Variants in ITCH observed in about 807,000 individuals in gnomAD.
The protein encoded by ITCH is itchy E3 ubiquitin protein ligase.
In ITCH, 28 loss-of-function variants were observed where a neutral mutation model predicts 126.8. That is an observed-to-expected ratio of 0.22 (90% CI 0.16 to 0.30). The LOEUF is 0.30. Ranked by LOEUF, ITCH falls within the 10% of genes least tolerant of loss-of-function variation. The pLI is 1.00. For synonymous variants in ITCH, 342 were observed against 340.0 expected, an observed-to-expected ratio of 1.01 and a Z score of -0.06; for missense variants, 631 against 1,032.4, an observed-to-expected ratio of 0.61 and a Z score of 5.33.
chr20:34,426,042 TA>T (rs1981473408), intron 7 of ITCH, among the ~76,000 whole-genome samples: 1 of 152,244 alleles, frequency 6.6e-6, no homozygotes, highest in African/African-American at 2.4e-5. Flanking sequence ...TTAGACTGCT[TA>T]TTGGTTATCC....
At chr20:34,504,258 G>A in intron 23 of ITCH, 73 bp from the exon 24 acceptor site, 1 of 1,095,894 alleles carries the variant, frequency 9.1e-7, no homozygotes, top group Non-Finnish European at 1.4e-6. Context: ...TGATGCTGAT[G>A]CTTGTTGGAT....
At chr20:34,487,244 C>T (rs1468957605) in intron 20 of ITCH, among the ~76,000 whole-genome samples, 4 of 151,724 alleles carry the variant, frequency 2.6e-5, no homozygotes. Context: ...AATCTCCTGA[C>T]CTCGTGATCC....
chr20:34,459,231 G>T (rs1197759849), intron 13 of ITCH, among the ~76,000 whole-genome samples: 6 of 152,164 alleles, frequency 3.9e-5, no homozygotes, highest in African/African-American at 1.4e-4. Flanking sequence ...TCAGCAGAAG[G>T]AATAGGTGCA....
intron 16 of ITCH, 105 bp downstream of exon 16, chr20:34,471,620 G>T: frequency 1.3e-6 from 1 of 764,430 alleles, no homozygotes. Context: ...TTGAGTTGAA[G>T]TCCTTGAATT....
At chr20:34,412,374 T>C in intron 4 of ITCH, 141 bp from the exon 5 acceptor site, 1 of 628,086 alleles carries the variant, frequency 1.6e-6, no homozygotes, top group Non-Finnish European at 2.8e-6. Context: ...TTACTGAACA[T>C]AGGCCAATAT....
At chr20:34,417,099 AC>A in intron 6 of ITCH, 1 of 622,118 alleles carries the variant, frequency 1.6e-6, no homozygotes. Flanking sequence ...ATTTAGGTAG[AC>A]TTTTTTTTTT....
chr20:34,448,245 T>C (rs1230072834), intron 11 of ITCH, among the ~76,000 whole-genome samples: 1 of 151,942 alleles, frequency 6.6e-6, no homozygotes, highest in Admixed American at 6.6e-5. Flanking sequence ...TACAAAAAGT[T>C]AGCTGGGCGT....
chr20:34,373,071 T>A (rs6142152), intron 2 of ITCH, among the ~76,000 whole-genome samples: 39,343 of 150,636 alleles, frequency 0.26, 6,607 homozygotes, highest in Admixed American at 0.48. Flanking sequence ...ACCCACTGGG[T>A]TCAAGCGATT....
Position 34,413,875 on chromosome 20 carries a change from A to G in ITCH, c.471A>G (p.Ser157=). 1.9e-6 allele frequency: 3 copies of G among 1,612,650 alleles called. No homozygotes were observed. The highest frequency in any genetic ancestry group is 2.2e-5 in the South Asian group (2 of 91,066). ...TTACCAATGGTGAAACTACATGTTC[A>G]GAAAGTAAGTGACTACCTTTTTAAG... is the stretch of plus-strand genomic sequence containing the variant. ...EVVTNGETTC[S]ESASQNDDGS... is the part of the protein sequence containing the mutation. The change falls in exon 6 of 25, where the codon TCA becomes TCG. Residue 157 remains serine, a synonymous_variant. Coordinates refer to ENST00000374864, the MANE Select transcript of ITCH (RefSeq NM_031483.7).
In ITCH at chr20:34,479,607, CG is replaced by C. The variant is rs761583498; in HGVS notation, c.1659-22del. ...CTTGGTAACCTACAAGATTTTTCAT[CG>C]TAAATTTTCTTTTGATTTCAGAGAA... On this transcript the variant is annotated intron_variant, in intron 17 of 24. Transcript: ENST00000374864. 7 of 1,608,530 alleles carry C rather than the reference CG, an allele frequency of 4.4e-6. No individual in the cohort carries two copies. In the South Asian group the frequency reaches 7.7e-5, roughly 18 times the overall value.
At chr20:34,374,913 G>A (rs142133731) in intron 2 of ITCH, among the ~76,000 whole-genome samples, 2 of 149,026 alleles carry the variant, frequency 1.3e-5, no homozygotes, top group African/African-American at 2.5e-5. Flanking sequence ...CTAATTTTTT[G>A]TATTTTTAGT....
chr20:34,452,221 T>TAA (rs1985354780), intron 12 of ITCH, among the ~76,000 whole-genome samples: 1 of 152,208 alleles, frequency 6.6e-6, no homozygotes, highest in Non-Finnish European at 1.5e-5. Context: ...CTGCGTTTCC[T>TAA]TTATCAGAAA....
chr20:34,478,145 C>G (rs1460199037), intron 17 of ITCH, among the ~76,000 whole-genome samples: 1 of 152,130 alleles, frequency 6.6e-6, no homozygotes, highest in East Asian at 1.9e-4. Context: ...AGAGACTCAC[C>G]TAAGGCACAT....
intron 24 of ITCH, among the ~76,000 whole-genome samples, chr20:34,505,947 A>G (rs1350909582): frequency 6.6e-6 from 1 of 152,174 alleles, no homozygotes; most frequent in Non-Finnish European, 1.5e-5. Flanking sequence ...ATTCCTTTTT[A>G]AAATTAATTG....
At chr20:34,417,254 G>C (rs767595293) in intron 6 of ITCH, 1 of 568,350 alleles carries the variant, frequency 1.8e-6, no homozygotes, top group Non-Finnish European at 3.2e-6. Context: ...GCACCACCAC[G>C]CCTGGCTAAT....
chr20:34,487,468 A>G (rs1989210597), intron 20 of ITCH, among the ~76,000 whole-genome samples: 4 of 151,370 alleles, frequency 2.6e-5, no homozygotes, highest in African/African-American at 9.7e-5. Flanking sequence ...ATTTTTCCCA[A>G]CTTTCTTTGT....
At chr20:34,475,279 G>A (rs567929409) in intron 16 of ITCH, among the ~76,000 whole-genome samples, 1 of 152,260 alleles carries the variant, frequency 6.6e-6, no homozygotes, top group Non-Finnish European at 1.5e-5. Context: ...CTGCAATCTC[G>A]GCACTTTGGG....
At chr20:34,469,897 C>G (rs879740356) in intron 14 of ITCH, 151 bp from the exon 15 acceptor site, 35 of 711,816 alleles carry the variant, frequency 4.9e-5, no homozygotes, top group Non-Finnish European at 8.6e-5. Context: ...GGAAATATCT[C>G]TCAAAAAGCA....
At chr20:34,430,513 G>A (rs137944724) in intron 7 of ITCH, among the ~76,000 whole-genome samples, 12 of 152,090 alleles carry the variant, frequency 7.9e-5, no homozygotes, top group Admixed American at 4.6e-4. Context: ...TTGCTCTGTC[G>A]CCCAGATGGG....
Sources: gnomAD v4.1 joint callset for allele counts (sites outside exome capture counted in the v4.1 genomes callset) on GRCh38, gnomAD v4.1.1 for gene constraint, MANE v1.5 for transcripts, NCBI Gene and HGNC (gene_info 2026-07-23, HGNC 2026-07-21) for gene names.